The following MED27 variants were observed in gnomAD, a reference collection of about 807,000 sequenced individuals.
MED27 encodes the protein mediator of RNA polymerase II transcription subunit 27.
MED27 carries 30 observed loss-of-function variants against 38.2 expected under a neutral mutation model. That is an observed-to-expected ratio of 0.79 (90% confidence interval 0.59 to 1.07). The LOEUF is 1.07. Among genes scored for constraint, MED27 ranks in the 50% least tolerant of loss-of-function variants. MED27 has a pLI of 0.00. For synonymous variants in MED27, 122 were observed against 153.5 expected (o/e 0.79, Z 1.52); for missense variants, 289 against 397.5 (o/e 0.73, Z 2.32).
At position 131,883,580 on chromosome 9, in the gene MED27, C is replaced by A. The variant is rs1381415260; in HGVS notation, c.723+478G>T. ...GGAGTGCCAGCCTGCTTCCCTTGGC[C>A]CATCCCTTGGGCACCAGTGGAGACC... is the stretch of plus-strand genomic sequence containing the variant. On this transcript the variant is annotated intron_variant, in intron 6 of 7. Coordinates refer to ENST00000292035, the MANE Select transcript of MED27 (RefSeq NM_004269.4). The surrounding 1 kb of genome is among the most constrained non-coding windows in gnomAD (Gnocchi z 4.2). Among the ~76,000 whole-genome samples the A allele has an allele frequency of 6.6e-6, 1 of 152,174 alleles. No homozygotes were observed. Among genetic ancestry groups the A allele is most frequent in the Non-Finnish European group, 1.5e-5 (1 of 68,030 alleles).
chr9:131,901,331 A>T (rs1829944308), intron 4 of MED27, among the ~76,000 whole-genome samples: 1 of 152,250 alleles, frequency 6.6e-6, no homozygotes. Context: ...TCACAGAATC[A>T]TAGAACTGTA....
At chr9:131,955,357 T>C (rs878863578) in intron 3 of MED27, among the ~76,000 whole-genome samples, 3 of 151,574 alleles carry the variant, frequency 2.0e-5, no homozygotes, top group Non-Finnish European at 4.4e-5. Flanking sequence ...AAGCTTCCAT[T>C]AAAAAAAGAA....
intron 3 of MED27, among the ~76,000 whole-genome samples, chr9:132,008,666 T>C (rs1019538034): frequency 1.3e-5 from 2 of 152,154 alleles, no homozygotes; most frequent in African/African-American, 2.4e-5. Context: ...AACAAACACA[T>C]CGTACACAGC....
intron 3 of MED27, among the ~76,000 whole-genome samples, chr9:131,973,866 C>T (rs1007700147): frequency 4.6e-5 from 7 of 151,062 alleles, no homozygotes; most frequent in Admixed American, 6.6e-5. Context: ...CGCCACCACG[C>T]GCGGCTGATT....
At chr9:131,987,891 G>C (rs1227162121) in intron 3 of MED27, among the ~76,000 whole-genome samples, 1 of 152,184 alleles carries the variant, frequency 6.6e-6, no homozygotes, top group African/African-American at 2.4e-5. Flanking sequence ...CTCTTAGTTG[G>C]GGCGGCTGGC....
chr9:132,001,042 G>C (rs1832221142), intron 3 of MED27, among the ~76,000 whole-genome samples: 1 of 151,976 alleles, frequency 6.6e-6, no homozygotes, highest in African/African-American at 2.4e-5. Context: ...TGCAGCTGCG[G>C]TGAGCTATGA....
At chr9:131,864,748 T>C (rs1259339636) in intron 6 of MED27, among the ~76,000 whole-genome samples, 2 of 152,256 alleles carry the variant, frequency 1.3e-5, no homozygotes, top group African/African-American at 4.8e-5. Flanking sequence ...ACGCCGGCTC[T>C]GCAGCCAGGC....
At chr9:131,949,784 C>T (rs1830953674) in intron 3 of MED27, among the ~76,000 whole-genome samples, 1 of 152,054 alleles carries the variant, frequency 6.6e-6, no homozygotes, top group African/African-American at 2.4e-5. Context: ...CATGGGGTTT[C>T]CAGTTTCTTC....
chr9:132,052,102 G>C (rs536107306), intron 2 of MED27, among the ~76,000 whole-genome samples: 2 of 152,280 alleles, frequency 1.3e-5, no homozygotes, highest in South Asian at 2.1e-4. Flanking sequence ...AATCAGAGAT[G>C]GATGGCAACA....
intron 2 of MED27, among the ~76,000 whole-genome samples, chr9:132,025,257 C>T (rs1020453397): frequency 6.6e-6 from 1 of 151,716 alleles, no homozygotes; most frequent in Non-Finnish European, 1.5e-5. Flanking sequence ...CTCCTCTCAC[C>T]GCAATCTCTG....
At chr9:131,943,960 G>A (rs1018545868) in intron 3 of MED27, among the ~76,000 whole-genome samples, 1 of 152,130 alleles carries the variant, frequency 6.6e-6, no homozygotes, top group Non-Finnish European at 1.5e-5. Context: ...TAAGCAACCA[G>A]AGCATTCTGT....
rs200833648 is a variant in MED27 at position 132,077,520 on chromosome 9, C to T, written c.270G>A (p.Gly90=). ...PSENHPLHNS[G]LLSLDPVQDK... ...CCTGCACAGGATCCAGGCTTAACAG[C>T]CCACTGTTATGAAGAGGATGGTTCT... Residue 90 remains glycine (G), a synonymous_variant, in exon 2 of 8, where the codon GGG becomes GGA. Coordinates refer to ENST00000292035, the MANE Select transcript of MED27 (RefSeq NM_004269.4). 828 of 1,613,568 alleles carry T rather than the reference C, an allele frequency of 5.1e-4. 7 individuals carry two copies. In the South Asian group the frequency reaches 6.4e-3, roughly 12 times the overall value.
Position 131,968,265 on chromosome 9 carries a change from G to A in MED27, c.480-28791C>T, listed in dbSNP as rs74797592. 6.7e-3 allele frequency among the ~76,000 whole-genome samples: 1,018 copies of A among 152,118 alleles called. 11 individuals are homozygous for A. Among genetic ancestry groups the A allele is most frequent in the African/African-American group, 0.023 (942 of 41,482 alleles). ...AGGTAGGAGGGATTGCTTGAACCCC[G>A]AGGTTCGAGACCAGTCTGGACAACA... On this transcript the variant is annotated intron_variant, in intron 3 of 7. Transcript: ENST00000292035.
intron 2 of MED27, among the ~76,000 whole-genome samples, chr9:132,048,226 T>C (rs1211022912): frequency 6.6e-6 from 1 of 152,208 alleles, no homozygotes; most frequent in Non-Finnish European, 1.5e-5. Flanking sequence ...TCTCTTAGGA[T>C]ACTAAGTCAT....
At position 131,860,261 on chromosome 9, in the gene MED27, C is replaced by G. The variant is rs1838630208; in HGVS notation, c.*277G>C. 2.9e-6 allele frequency: 1 copy of G among 350,158 alleles called. No homozygotes were observed. The highest frequency in any genetic ancestry group is 2.1e-5 in the African/African-American group (1 of 47,370). 21.7% of individuals were successfully genotyped at this position (350,158 alleles called of 1,614,324 possible). A position where few individuals can be genotyped will look rare whatever the true frequency, so the allele number is the denominator to read the frequency against. On this transcript the variant is annotated 3_prime_UTR_variant, in exon 8 of 8. Transcript: ENST00000292035. The surrounding 1 kb of genome is among the most constrained non-coding windows in gnomAD (Gnocchi z 5.8). ...ACGACAGACACCAGCACTGCCGACA[C>G]ACATGGACGAGGAGCATGCTGCACA...
chr9:132,041,464 T>A (rs1413743455), intron 2 of MED27, among the ~76,000 whole-genome samples: 1 of 152,168 alleles, frequency 6.6e-6, no homozygotes, highest in Non-Finnish European at 1.5e-5. Context: ...AATGAACATT[T>A]AACATAGGGG....
chr9:131,890,340 G>A (rs994279466), intron 5 of MED27, among the ~76,000 whole-genome samples: 3 of 152,130 alleles, frequency 2.0e-5, no homozygotes, highest in African/African-American at 7.2e-5. Flanking sequence ...TTGGGCCAAC[G>A]CATACAGTTG....
chr9:131,875,222 G>A (rs1564263676), intron 6 of MED27, among the ~76,000 whole-genome samples: 1 of 152,228 alleles, frequency 6.6e-6, no homozygotes, highest in Non-Finnish European at 1.5e-5. Context: ...TATCAGGGCT[G>A]CCCACAGGGC....
chr9:132,049,166 G>C (rs561159241), intron 2 of MED27, among the ~76,000 whole-genome samples: 1 of 152,320 alleles, frequency 6.6e-6, no homozygotes, highest in East Asian at 1.9e-4. Context: ...CATTGTGCAG[G>C]AAAAGTTACT....
Sources: gnomAD v4.1 joint callset for allele counts (sites outside exome capture counted in the v4.1 genomes callset) on GRCh38, gnomAD v4.1.1 for gene constraint, Gnocchi (gnomAD v3.1) non-coding constraint, MANE v1.5 for transcripts, NCBI Gene and HGNC (gene_info 2026-07-23, HGNC 2026-07-21) for gene names.